The following RBFOX1 variants were observed in gnomAD, a reference collection of about 807,000 sequenced individuals.
RBFOX1 encodes RNA binding fox-1 homolog 1, also known as RNA binding protein fox-1 homolog 1.
A neutral mutation model predicts 57.7 loss-of-function variants in RBFOX1; 8 were observed. The observed-to-expected ratio is 0.14, with a 90% CI of 0.08 to 0.25. The LOEUF is 0.25. Among genes scored for constraint, RBFOX1 ranks in the 10% least tolerant of loss-of-function variants. The pLI, the probability that RBFOX1 is intolerant of heterozygous loss-of-function variation, is 1.00. For missense variants in RBFOX1, 611 were observed against 548.5 expected, an observed-to-expected ratio of 1.11 and a Z score of -1.14; for synonymous variants, 326 against 222.4, an observed-to-expected ratio of 1.47 and a Z score of -4.15.
intron 3 of RBFOX1, among the ~76,000 whole-genome samples, chr16:6,964,648 A>C (rs760981604): frequency 6.6e-6 from 1 of 152,218 alleles, no homozygotes; most frequent in African/African-American, 2.4e-5. Flanking sequence ...AAATAAAAAT[A>C]CATTTTGACA....
chr16:5,850,750 C>T (rs1485382863), intron 3 of RBFOX1, among the ~76,000 whole-genome samples: 1 of 152,210 alleles, frequency 6.6e-6, no homozygotes, highest in African/African-American at 2.4e-5. Context: ...AAAGAACCCA[C>T]AAGGGCGACT....
intron 3 of RBFOX1, among the ~76,000 whole-genome samples, chr16:5,866,984 GT>G (rs2057357411): frequency 1.3e-5 from 2 of 152,072 alleles, no homozygotes; most frequent in Admixed American, 6.6e-5. Flanking sequence ...CTTTTTCAGT[GT>G]TTATTTAATC....
chr16:5,575,052 A>G (rs1269968206), intron 2 of RBFOX1, among the ~76,000 whole-genome samples: 3 of 152,080 alleles, frequency 2.0e-5, no homozygotes, highest in African/African-American at 7.2e-5. Flanking sequence ...AGGGCCATTC[A>G]CCTTGTGATA....
At chr16:7,120,469 A>G (rs987047833) in intron 4 of RBFOX1, among the ~76,000 whole-genome samples, 1 of 152,026 alleles carries the variant, frequency 6.6e-6, no homozygotes, top group Non-Finnish European at 1.5e-5. Flanking sequence ...TACAAACATC[A>G]CATAAATTAA....
intron 3 of RBFOX1, among the ~76,000 whole-genome samples, chr16:5,748,840 T>C (rs1176688731): frequency 6.6e-6 from 1 of 152,222 alleles, no homozygotes; most frequent in Non-Finnish European, 1.5e-5. Flanking sequence ...CCAGTCTGTG[T>C]CTTTTAATTG....
chr16:6,670,172 T>G (rs1016230095), intron 3 of RBFOX1, among the ~76,000 whole-genome samples: 1 of 152,214 alleles, frequency 6.6e-6, no homozygotes. Context: ...AGTGTGATCC[T>G]CCTACATCAG....
intron 2 of RBFOX1, among the ~76,000 whole-genome samples, chr16:6,538,997 C>G (rs917759525): frequency 2.6e-5 from 4 of 152,050 alleles, no homozygotes; most frequent in African/African-American, 9.7e-5. Context: ...CTGTGTCATT[C>G]CAATGTTATT....
chr16:7,478,816 A>G (rs774970187), intron 4 of RBFOX1, among the ~76,000 whole-genome samples: 3 of 152,180 alleles, frequency 2.0e-5, no homozygotes, highest in Non-Finnish European at 4.4e-5. Flanking sequence ...GATGCCAACA[A>G]TACCCTGAGG....
At position 6,368,442 on chromosome 16, in the gene RBFOX1, G is replaced by A. The variant is rs560546526; in HGVS notation, c.-64+51385G>A. Among the ~76,000 whole-genome samples, 142 of 152,318 alleles carry A rather than the reference G, an allele frequency of 9.3e-4. 5 individuals carry two copies. In the South Asian group the frequency reaches 0.014, roughly 15 times the overall value. On this transcript the variant is annotated intron_variant, in intron 2 of 15. Transcript: ENST00000550418. ...AGCTTTGATTTGGGTTTTATGTCCTGTGATTACACGGATCGTGCTGGTTCC... is the reference window on the plus strand; with the variant it reads ...AGCTTTGATTTGGGTTTTATGTCCTATGATTACACGGATCGTGCTGGTTCC...
At chr16:7,201,836 C>A (rs1423925269) in intron 4 of RBFOX1, among the ~76,000 whole-genome samples, 1 of 152,102 alleles carries the variant, frequency 6.6e-6, no homozygotes, top group Non-Finnish European at 1.5e-5. Flanking sequence ...TTAGGAAGCT[C>A]ATTTGGGCAG....
At chr16:6,990,737 C>G (rs1047237732) in intron 3 of RBFOX1, among the ~76,000 whole-genome samples, 1 of 152,144 alleles carries the variant, frequency 6.6e-6, no homozygotes, top group Non-Finnish European at 1.5e-5. Flanking sequence ...CTTAAGCTTA[C>G]TGGTCTTCCA....
chr16:6,712,726 C>A (rs1199598884), intron 3 of RBFOX1, among the ~76,000 whole-genome samples: 1 of 152,088 alleles, frequency 6.6e-6, no homozygotes, highest in South Asian at 2.1e-4. Flanking sequence ...TCCCCACCTC[C>A]CCTCCTATCA....
At chr16:7,610,351 C>A (rs1156943609) in intron 10 of RBFOX1, among the ~76,000 whole-genome samples, 1 of 151,186 alleles carries the variant, frequency 6.6e-6, no homozygotes, top group Non-Finnish European at 1.5e-5. Flanking sequence ...GAACTTCTGA[C>A]CTCAAGTGAT....
intron 1 of RBFOX1, among the ~76,000 whole-genome samples, chr16:6,267,369 C>T (rs181999116): frequency 1.3e-5 from 2 of 152,266 alleles, no homozygotes; most frequent in Admixed American, 6.5e-5. Flanking sequence ...TGATAAACCC[C>T]GATTTCACTA....
intron 14 of RBFOX1, among the ~76,000 whole-genome samples, chr16:7,688,260 T>TGTGTGA (rs1319185243): frequency 3.2e-4 from 40 of 125,376 alleles, no homozygotes; most frequent in African/African-American, 1.1e-3. Context: ...TGTGTGTGTG[T>TGTGTGA]GAGAGAGAGA....
At chr16:7,703,446 G>A (rs1422114380) in intron 14 of RBFOX1, among the ~76,000 whole-genome samples, 3 of 150,528 alleles carry the variant, frequency 2.0e-5, no homozygotes, top group Admixed American at 6.6e-5. Flanking sequence ...GATTCACCCA[G>A]CTATCTCTGG....
chr16:6,538,416 T>C (rs2096764508), intron 2 of RBFOX1, among the ~76,000 whole-genome samples: 1 of 152,126 alleles, frequency 6.6e-6, no homozygotes, highest in South Asian at 2.1e-4. Context: ...CACTTGAGCC[T>C]GTGAGGCCGA....
chr16:7,383,293 A>G (rs1369867658), intron 4 of RBFOX1, among the ~76,000 whole-genome samples: 1 of 152,108 alleles, frequency 6.6e-6, no homozygotes, highest in South Asian at 2.1e-4. Context: ...GTAAAATGCA[A>G]CAACACTAGG....
chr16:6,953,654 T>C (rs772513310), intron 3 of RBFOX1, among the ~76,000 whole-genome samples: 18 of 152,174 alleles, frequency 1.2e-4, no homozygotes, highest in Non-Finnish European at 1.5e-5. Flanking sequence ...CCCAAAGCGC[T>C]GGGATTATGG....
Sources: gnomAD v4.1 joint callset for allele counts (sites outside exome capture counted in the v4.1 genomes callset) on GRCh38, gnomAD v4.1.1 for gene constraint, MANE v1.5 for transcripts, NCBI Gene and HGNC (gene_info 2026-07-23, HGNC 2026-07-21) for gene names.